RNF32: variants seen among roughly 807,000 people sequenced by gnomAD.
RNF32 encodes the protein ring finger protein 32.
RNF32 carries 36 observed loss-of-function variants against 41.0 expected under a neutral mutation model. The observed-to-expected ratio is 0.88, with a 90% CI of 0.67 to 1.16. The LOEUF (loss-of-function observed/expected upper bound fraction) is 1.16, where lower values mean the gene tolerates loss of function less well. RNF32 is among the 50% of genes most tolerant of loss of function. The pLI is 0.00. For missense variants in RNF32, 413 were observed against 436.7 expected, an observed-to-expected ratio of 0.95 and a Z score of 0.48; for synonymous variants, 154 against 160.9, an observed-to-expected ratio of 0.96 and a Z score of 0.32.
chr7:156,649,769 A>G (rs988975654), intron 3 of RNF32, among the ~76,000 whole-genome samples: 4 of 152,116 alleles, frequency 2.6e-5, no homozygotes, highest in Admixed American at 1.3e-4. Flanking sequence ...AATAAACCCT[A>G]CTTGCCCACG....
In RNF32 at chr7:156,641,476, C is replaced by T. The variant is rs1797304187; in HGVS notation, c.-78+665C>T. On this transcript the variant is annotated intron_variant, in intron 1 of 8. Transcript: ENST00000317955. Reference sequence around the variant, plus strand: ...TCTAACCCTACCAGTGCCGCAGGCTCATTATATATTGAAGGACTCACCTGG... The same window carrying T: ...TCTAACCCTACCAGTGCCGCAGGCTTATTATATATTGAAGGACTCACCTGG... Among the ~76,000 whole-genome samples the T allele has an allele frequency of 2.0e-5, 3 of 152,136 alleles. No homozygotes were observed. In the South Asian group the frequency reaches 6.2e-4, roughly 32 times the overall value.
At chr7:156,666,188 AC>A (rs1355962942) in intron 7 of RNF32, among the ~76,000 whole-genome samples, 4 of 152,176 alleles carry the variant, frequency 2.6e-5, no homozygotes, top group Non-Finnish European at 5.9e-5. Context: ...TTAGGATCTC[AC>A]CAAGAGGGAT....
intron 7 of RNF32, among the ~76,000 whole-genome samples, chr7:156,661,933 T>C (rs191966208): frequency 3.2e-4 from 48 of 152,326 alleles, no homozygotes; most frequent in African/African-American, 1.1e-3. Context: ...GATGTATACA[T>C]ATACGCACAC....
chr7:156,653,145 T>C (rs1799013830), intron 3 of RNF32, among the ~76,000 whole-genome samples: 1 of 152,134 alleles, frequency 6.6e-6, no homozygotes, highest in Non-Finnish European at 1.5e-5. Flanking sequence ...GCTCCATTCA[T>C]GGTGAGTGCC....
Position 156,647,096 on chromosome 7 carries a change from C to T in RNF32, c.274+2339C>T, listed in dbSNP as rs186780369. Among the ~76,000 whole-genome samples the T allele has an allele frequency of 5.1e-3, 777 of 152,326 alleles. 4 individuals carry two copies. Among genetic ancestry groups the T allele is most frequent in the Middle Eastern group, 0.024 (7 of 294 alleles). ...TAAACTCCTGACCTCAGGTAATCCA[C>T]CCGCCTCAGCCTCCCAAAGTGTTGG... On this transcript the variant is annotated intron_variant, in intron 3 of 8. Coordinates refer to ENST00000317955, the MANE Select transcript of RNF32 (RefSeq NM_030936.4).
chr7:156,644,486 T>C lies in RNF32; in HGVS notation c.16-13T>C. On this transcript the variant is annotated splice_polypyrimidine_tract_variant and intron_variant, in intron 2 of 8. Transcript: ENST00000317955. Reference sequence around the variant, plus strand: ...AATACTCCTCTAAATATGACTTTTTTCCTACTTTTTAGGGTCACTCATCTA... The same window carrying C: ...AATACTCCTCTAAATATGACTTTTTCCCTACTTTTTAGGGTCACTCATCTA... 3 of 1,598,736 alleles carry C rather than the reference T, an allele frequency of 1.9e-6. No homozygotes were observed. Among genetic ancestry groups the C allele is most frequent in the Non-Finnish European group, 2.6e-6 (3 of 1,170,606 alleles).
At chr7:156,660,872 G>A (rs542897072) in intron 7 of RNF32, among the ~76,000 whole-genome samples, 12 of 152,360 alleles carry the variant, frequency 7.9e-5, no homozygotes, top group African/African-American at 2.9e-4. Flanking sequence ...TACAGGCAAA[G>A]ACATCAGTCA....
chr7:156,668,692 C>T (rs139989548), intron 7 of RNF32, among the ~76,000 whole-genome samples: 85 of 152,302 alleles, frequency 5.6e-4, no homozygotes, highest in African/African-American at 1.8e-3. Flanking sequence ...CCATCGTCAG[C>T]GGGGCTTTTC....
chr7:156,662,744 T>A (rs1317222842), intron 7 of RNF32, among the ~76,000 whole-genome samples: 1 of 151,282 alleles, frequency 6.6e-6, no homozygotes, highest in Non-Finnish European at 1.5e-5. Context: ...CCTGTAAAAA[T>A]AGCAAACGTG....
At chr7:156,655,657 T>G (rs1026198921) in intron 4 of RNF32, among the ~76,000 whole-genome samples, 2 of 152,242 alleles carry the variant, frequency 1.3e-5, no homozygotes, top group African/African-American at 4.8e-5. Flanking sequence ...ATTCACTAAT[T>G]TGAATTCATA....
At chr7:156,663,281 T>G (rs1800901161) in intron 7 of RNF32, among the ~76,000 whole-genome samples, 1 of 152,224 alleles carries the variant, frequency 6.6e-6, no homozygotes, top group Non-Finnish European at 1.5e-5. Context: ...GTCATCACAC[T>G]TGAGCCAATC....
At chr7:156,665,778 C>G (rs1241720181) in intron 7 of RNF32, among the ~76,000 whole-genome samples, 2 of 152,192 alleles carry the variant, frequency 1.3e-5, no homozygotes, top group Admixed American at 1.3e-4. Context: ...TGAGAGAAAT[C>G]TGGGGCTTCA....
intron 7 of RNF32, chr7:156,659,985 C>G: frequency 1.0e-6 from 1 of 985,484 alleles, no homozygotes; most frequent in Non-Finnish European, 1.2e-6. Context: ...CTTTACAAGG[C>G]AGATTCATAG....
intron 7 of RNF32, among the ~76,000 whole-genome samples, chr7:156,667,580 T>C (rs1215648094): frequency 6.6e-6 from 1 of 152,258 alleles, no homozygotes; most frequent in Non-Finnish European, 1.5e-5. Context: ...TCATTTGTTT[T>C]TGACAGTTCT....
In RNF32 at chr7:156,676,959, A is replaced by C; in HGVS notation, c.*304A>C. On this transcript the variant is annotated 3_prime_UTR_variant, in exon 9 of 9. Coordinates refer to ENST00000317955, the MANE Select transcript of RNF32 (RefSeq NM_030936.4). ...AAGATATAGCTAGTGTCTGAACGAC[A>C]CTCCTTAAAGTAAGTTCCAAATGTA... is the stretch of plus-strand genomic sequence containing the variant. 3.4e-6 allele frequency: 1 copy of C among 290,290 alleles called. No individual in the cohort carries two copies. Among genetic ancestry groups the C allele is most frequent in the East Asian group, 7.2e-5 (1 of 13,840 alleles). The allele number at this position is 290,290 out of a possible 1,614,324, so 18.0% of individuals were successfully genotyped here.
chr7:156,655,001 G>A (rs1479454655), intron 4 of RNF32: 2 of 235,114 alleles, frequency 8.5e-6, no homozygotes, highest in South Asian at 1.4e-4. Flanking sequence ...CAGACAACTG[G>A]GGGGCTTCCC....
intron 3 of RNF32, among the ~76,000 whole-genome samples, chr7:156,651,742 T>C (rs1476419212): frequency 6.6e-6 from 1 of 152,244 alleles, no homozygotes; most frequent in Non-Finnish European, 1.5e-5. Context: ...TTTTCTATTC[T>C]ACCTGAAGTT....
At chr7:156,644,269 T>G (rs1296770314) in intron 2 of RNF32, among the ~76,000 whole-genome samples, 1 of 152,212 alleles carries the variant, frequency 6.6e-6, no homozygotes, top group Non-Finnish European at 1.5e-5. Context: ...AATGAATTTA[T>G]TCATATTATA....
chr7:156,640,457 C>CT, upstream of RNF32: 1 of 369,390 alleles, frequency 2.7e-6, no homozygotes. Context: ...CGCCCCCGTG[C>CT]TTCAGCCCGC....
Sources: gnomAD v4.1 joint callset for allele counts (sites outside exome capture counted in the v4.1 genomes callset) on GRCh38, gnomAD v4.1.1 for gene constraint, MANE v1.5 for transcripts, NCBI Gene and HGNC (gene_info 2026-07-23, HGNC 2026-07-21) for gene names.